The following SP4 variants were observed in gnomAD, a reference collection of about 807,000 sequenced individuals.
The protein encoded by SP4 is Sp4 transcription factor.
SP4 carries 19 observed loss-of-function variants against 72.8 expected under a neutral mutation model. The ratio of observed to expected loss-of-function variants is 0.26; its 90% confidence interval spans 0.18 to 0.38. The LOEUF (loss-of-function observed/expected upper bound fraction) is 0.38. Among genes scored for constraint, SP4 ranks in the 10% least tolerant of loss-of-function variants. SP4 has a pLI of 1.00. For missense variants in SP4, 1,008 were observed against 926.3 expected, an observed-to-expected ratio of 1.09 and a Z score of -1.14; for synonymous variants, 395 against 333.1, an observed-to-expected ratio of 1.19 and a Z score of -2.02.
intron 3 of SP4, among the ~76,000 whole-genome samples, chr7:21,460,602 T>C (rs772162722): frequency 6.6e-6 from 1 of 152,200 alleles, no homozygotes; most frequent in Non-Finnish European, 1.5e-5. Flanking sequence ...TTTTCTTATC[T>C]GGCCCCACCC....
At chr7:21,435,877 A>G (rs539779139) in intron 3 of SP4, among the ~76,000 whole-genome samples, 73 of 150,802 alleles carry the variant, frequency 4.8e-4, no homozygotes, top group African/African-American at 1.6e-3. Flanking sequence ...GGACTTCAGG[A>G]TAGATTAGCA....
chr7:21,507,016 G>C (rs575519061), intron 5 of SP4, among the ~76,000 whole-genome samples: 1 of 152,172 alleles, frequency 6.6e-6, no homozygotes, highest in East Asian at 1.9e-4. Flanking sequence ...GCCTGGGAGG[G>C]TGTTGCCTCT....
intron 3 of SP4, among the ~76,000 whole-genome samples, chr7:21,446,562 TGTA>T (rs986476313): frequency 2.0e-5 from 3 of 152,184 alleles, no homozygotes; most frequent in African/African-American, 4.8e-5. Flanking sequence ...TGTATGTGTG[TGTA>T]GTGTGTTTCG....
At chr7:21,508,931 T>G (rs1200723967) in intron 5 of SP4, among the ~76,000 whole-genome samples, 1 of 151,990 alleles carries the variant, frequency 6.6e-6, no homozygotes, top group Non-Finnish European at 1.5e-5. Flanking sequence ...TGGATGGTGT[T>G]GCTTATTATC....
In SP4 at chr7:21,430,291, A is replaced by G. The variant is rs539636515; in HGVS notation, c.1126A>G (p.Ser376Gly). The G allele has an allele frequency of 3.1e-6, 5 of 1,614,272 alleles. No individual in the cohort carries two copies. In the South Asian group the frequency reaches 4.4e-5, roughly 14 times the overall value. The change falls in exon 3 of 6, where the codon AGT becomes GGT. Residue 376 changes from serine (S) to glycine (G), a missense_variant. By Grantham distance (56) the Ser-to-Gly change is moderately conservative. Around this residue, in one of 3 missense-constraint regions of SP4, gnomAD observed 893 missense variants for 743.3 expected, o/e 1.20. Coordinates refer to ENST00000222584, the MANE Select transcript of SP4 (RefSeq NM_003112.5). Reference sequence around the variant, plus strand: ...TACTGAGTCTGAAGCCCAGAGCTCCAGTCAGCTTCAGCCTAATGGAATGCA... The same window carrying G: ...TACTGAGTCTGAAGCCCAGAGCTCCGGTCAGCTTCAGCCTAATGGAATGCA... ...AATESEAQSS[S>G]QLQPNGMQNA... is the part of the protein sequence containing the mutation.
In SP4 at chr7:21,502,051, C is replaced by CCCG. The variant is rs1554301444; in HGVS notation, c.2108-8970_2108-8968dup. On this transcript the variant is annotated intron_variant, in intron 5 of 5. Coordinates refer to ENST00000222584, the MANE Select transcript of SP4 (RefSeq NM_003112.5). ...TAAATTCATTAGGCACCCCCCCCCC[C>CCCG]CCGGAACTCCTATAGAGTTAACATA... Among the ~76,000 whole-genome samples the CCCG allele has an allele frequency of 6.3e-4, 52 of 81,948 alleles. 2 individuals are homozygous for CCCG. The East Asian group carries it at 0.013, about 20-fold the overall frequency. 53.8% of individuals were successfully genotyped at this position (81,948 alleles called of 152,430 possible).
In SP4 at chr7:21,428,176, T is replaced by TCCAAC; in HGVS notation, c.-74_-73insAACCC. The TCCAAC allele has an allele frequency of 1.4e-6, 1 of 718,772 alleles. No homozygotes were observed. 44.5% of individuals were successfully genotyped at this position (718,772 alleles called of 1,614,324 possible). On this transcript the variant is annotated 5_prime_UTR_variant, in exon 1 of 6. Transcript: ENST00000222584. ...ACCGCGGGCGGGCGGGACCGGCCTC[T>TCCAAC]CCTCCCGCCTCGCCCCCACCCCCAC...
At chr7:21,506,170 C>A (rs896727357) in intron 5 of SP4, among the ~76,000 whole-genome samples, 1 of 152,120 alleles carries the variant, frequency 6.6e-6, no homozygotes, top group South Asian at 2.1e-4. Context: ...AACCTGAAAT[C>A]CCTCCCCTTT....
intron 5 of SP4, among the ~76,000 whole-genome samples, chr7:21,496,919 T>C (rs1279837235): frequency 6.6e-6 from 1 of 152,202 alleles, no homozygotes; most frequent in Non-Finnish European, 1.5e-5. Context: ...CTGAGCAGGC[T>C]CACAGCACTA....
In SP4 at chr7:21,481,937, C is replaced by T; in HGVS notation, c.1921C>T (p.Pro641Ser). The change falls in exon 5 of 6, where the codon CCA becomes TCA. Residue 641 changes from proline (P) to serine (S), a missense_variant. Coordinates refer to ENST00000222584, the MANE Select transcript of SP4 (RefSeq NM_003112.5). ...TGTTTTTGCTAGAGGCAGTAATGAA[C>T]CAGGAAAAAAGAAGCAGCATATCTG... is the stretch of plus-strand genomic sequence containing the variant. ...REGEGRGSNE[P>S]GKKKQHICHI... 1 of 1,613,508 alleles carries T rather than the reference C, an allele frequency of 6.2e-7. No homozygotes were observed. Among genetic ancestry groups the T allele is most frequent in the Non-Finnish European group, 8.5e-7 (1 of 1,179,584 alleles).
At chr7:21,446,975 A>G (rs372470110) in intron 3 of SP4, among the ~76,000 whole-genome samples, 8 of 152,132 alleles carry the variant, frequency 5.3e-5, no homozygotes, top group African/African-American at 1.7e-4. Flanking sequence ...AATGTTTTAG[A>G]ATATGGTTCA....
At chr7:21,476,087 A>G (rs1013862554) in intron 3 of SP4, among the ~76,000 whole-genome samples, 11 of 152,108 alleles carry the variant, frequency 7.2e-5, no homozygotes, top group East Asian at 3.9e-4. Context: ...CCTGGCAAAC[A>G]TGGCAAAACC....
chr7:21,489,588 C>G (rs1401751491), intron 5 of SP4, among the ~76,000 whole-genome samples: 10 of 115,708 alleles, frequency 8.6e-5, no homozygotes, highest in South Asian at 2.9e-4. Flanking sequence ...GAGATGGAGT[C>G]TCGCTCTGTC....
At chr7:21,440,866 C>A (rs1369807145) in intron 3 of SP4, among the ~76,000 whole-genome samples, 1 of 57,552 alleles carries the variant, frequency 1.7e-5, no homozygotes, top group East Asian at 1.3e-3. Context: ...ACAACAACAA[C>A]AACAACAACA....
intron 3 of SP4, among the ~76,000 whole-genome samples, chr7:21,438,162 A>G (rs925012244): frequency 6.6e-5 from 10 of 152,220 alleles, no homozygotes; most frequent in Non-Finnish European, 1.2e-4. Context: ...TCATCGGTCA[A>G]AGATTTTGTA....
intron 3 of SP4, among the ~76,000 whole-genome samples, chr7:21,457,642 G>A (rs1299624995): frequency 6.6e-6 from 1 of 152,174 alleles, no homozygotes; most frequent in African/African-American, 2.4e-5. Context: ...TGTCTGCTAA[G>A]ATGATGAAGC....
intron 3 of SP4, among the ~76,000 whole-genome samples, chr7:21,434,736 A>G (rs1782989954): frequency 6.6e-6 from 1 of 151,478 alleles, no homozygotes; most frequent in South Asian, 2.1e-4. Flanking sequence ...CCCAACAGGT[A>G]TTTTTTTCCA....
chr7:21,441,674 A>G (rs907794212), intron 3 of SP4, among the ~76,000 whole-genome samples: 2 of 152,204 alleles, frequency 1.3e-5, no homozygotes, highest in African/African-American at 4.8e-5. Flanking sequence ...GCAGTAATTT[A>G]GTTATGAATT....
chr7:21,438,672 G>A (rs1783130548), intron 3 of SP4, among the ~76,000 whole-genome samples: 1 of 151,976 alleles, frequency 6.6e-6, no homozygotes, highest in Admixed American at 6.6e-5. Flanking sequence ...GTCAACTATG[G>A]TCCAAAAATG....
Sources: gnomAD v4.1 joint callset for allele counts (sites outside exome capture counted in the v4.1 genomes callset) on GRCh38, gnomAD v4.1.1 for gene constraint, gnomAD v4.1.1 regional missense constraint, MANE v1.5 for transcripts, NCBI Gene and HGNC (gene_info 2026-07-23, HGNC 2026-07-21) for gene names.